Variants in WT1 observed in about 807,000 individuals in gnomAD.
WT1 encodes the protein WT1 transcription factor.
In WT1, 8 loss-of-function variants were observed where a neutral mutation model predicts 60.8. That is an observed-to-expected ratio of 0.13 (90% CI 0.08 to 0.24). The LOEUF is 0.24. Among genes scored for constraint, WT1 ranks in the 10% least tolerant of loss-of-function variants. The pLI, the probability that WT1 is intolerant of heterozygous loss-of-function variation, is 1.00. For missense variants in WT1, 568 were observed against 711.8 expected, an observed-to-expected ratio of 0.80 and a Z score of 2.30; for synonymous variants, 312 against 297.1, an observed-to-expected ratio of 1.05 and a Z score of -0.52.
rs1367210771 is a variant in WT1, at chr11:32,396,421, G to T, written c.1114-14C>A. The T allele has an allele frequency of 6.2e-7, 1 of 1,613,132 alleles. No individual in the cohort carries two copies. Among genetic ancestry groups the T allele is most frequent in the South Asian group, 1.1e-5 (1 of 91,070 alleles). On this transcript the variant is annotated splice_polypyrimidine_tract_variant and intron_variant, in intron 6 of 9. Coordinates refer to ENST00000452863, the MANE Select transcript of WT1 (RefSeq NM_024426.6). ...ACGTCGCACATCCTGCAGGCAGAGA[G>T]TAAGAGGAAGGGAGGCTTTAAGCCA... is the stretch of plus-strand genomic sequence containing the variant.
intron 5 of WT1, among the ~76,000 whole-genome samples, chr11:32,401,919 T>G (rs752620991): frequency 1.8e-4 from 27 of 152,116 alleles, no homozygotes; most frequent in African/African-American, 6.3e-4. Context: ...CCTCCATTAC[T>G]CTAACAGTTG....
intron 3 of WT1, among the ~76,000 whole-genome samples, chr11:32,420,413 A>T (rs1336223042): frequency 6.6e-6 from 1 of 152,224 alleles, no homozygotes; most frequent in Non-Finnish European, 1.5e-5. Context: ...ATAAAAGGTA[A>T]TGCCCTCAAT....
At chr11:32,398,989 T>C (rs2132951877) in intron 6 of WT1, among the ~76,000 whole-genome samples, 1 of 151,620 alleles carries the variant, frequency 6.6e-6, no homozygotes, top group East Asian at 1.9e-4. Flanking sequence ...ACCCCGTCTC[T>C]ACTAAAAATA....
chr11:32,400,134 T>C, intron 5 of WT1, 90 bp from the exon 6 acceptor site: 1 of 1,486,818 alleles, frequency 6.7e-7, no homozygotes, highest in Non-Finnish European at 9.3e-7. Context: ...AATGATGGTT[T>C]TTAAAGCTCA....
At position 32,388,780 on chromosome 11, in the gene WT1, T is replaced by C. The variant is rs1851733400; in HGVS notation, c.*278A>G. On this transcript the variant is annotated 3_prime_UTR_variant, in exon 10 of 10. Coordinates refer to ENST00000452863, the MANE Select transcript of WT1 (RefSeq NM_024426.6). ...TGATCAGCTATGGCTCTTCTTACAG[T>C]AGAAAATCCACACCAAATGGCAATG... is the stretch of plus-strand genomic sequence containing the variant. 1.9e-6 allele frequency: 1 copy of C among 531,172 alleles called. No homozygotes were observed. Among genetic ancestry groups the C allele is most frequent in the African/African-American group, 1.9e-5 (1 of 52,956 alleles). 32.9% of individuals were successfully genotyped at this position (531,172 alleles called of 1,614,324 possible). A position where few individuals can be genotyped will look rare whatever the true frequency, so the allele number is the denominator to read the frequency against.
intron 1 of WT1, chr11:32,430,607 T>C (rs1013048681): frequency 6.0e-5 from 95 of 1,575,654 alleles, no homozygotes; most frequent in Admixed American, 1.2e-4. Flanking sequence ...TCCGCAACTG[T>C]CCGTGCCCGG....
chr11:32,435,390 G>T lies in WT1; in HGVS notation c.-30C>A. On this transcript the variant is annotated 5_prime_UTR_variant, in exon 1 of 10. Coordinates refer to ENST00000452863, the MANE Select transcript of WT1 (RefSeq NM_024426.6). ...GCGGCGAGGAGACGGCGGGGCCCGG[G>T]CGCCTGGGCTGCCGTCCCGGCTCTG... 1 of 1,515,472 alleles carries T rather than the reference G, an allele frequency of 6.6e-7. No individual in the cohort carries two copies. The highest frequency in any genetic ancestry group is 8.8e-7 in the Non-Finnish European group (1 of 1,134,266). 93.9% of individuals were successfully genotyped at this position (1,515,472 alleles called of 1,614,324 possible). A position where few individuals can be genotyped will look rare whatever the true frequency, so the allele number is the denominator to read the frequency against.
intron 3 of WT1, among the ~76,000 whole-genome samples, chr11:32,427,486 G>C (rs1853093195): frequency 6.6e-6 from 1 of 152,312 alleles, no homozygotes; most frequent in South Asian, 2.1e-4. Context: ...CGTCCACAAA[G>C]CGCTGCCACG....
intron 5 of WT1, among the ~76,000 whole-genome samples, chr11:32,406,490 A>G (rs1852313850): frequency 6.6e-6 from 1 of 152,080 alleles, no homozygotes; most frequent in Non-Finnish European, 1.5e-5. Context: ...GCAAGGACCA[A>G]TTCCTAACTG....
intron 1 of WT1, among the ~76,000 whole-genome samples, chr11:32,432,585 T>C (rs956063845): frequency 1.3e-5 from 2 of 152,194 alleles, no homozygotes; most frequent in Non-Finnish European, 2.9e-5. Context: ...CCTCTCTCCA[T>C]TGGGCTTTTT....
In WT1 at chr11:32,388,024, A is replaced by G; in HGVS notation, c.*1034T>C. ...ACACAACACACACACACACACACACACACACACACACACGACCATCTTTAA... is the reference window on the plus strand; with the variant it reads ...ACACAACACACACACACACACACACGCACACACACACACGACCATCTTTAA... On this transcript the variant is annotated 3_prime_UTR_variant, in exon 10 of 10. Coordinates refer to ENST00000452863, the MANE Select transcript of WT1 (RefSeq NM_024426.6). The G allele has an allele frequency of 4.2e-6, 1 of 237,846 alleles. No individual in the cohort carries two copies. Among genetic ancestry groups the G allele is most frequent in the Non-Finnish European group, 8.3e-6 (1 of 120,904 alleles). The allele number at this position is 237,846 out of a possible 1,614,324, so 14.7% of individuals were successfully genotyped here.
chr11:32,417,499 TA>T, intron 4 of WT1, 77 bp downstream of exon 4: 1 of 1,339,434 alleles, frequency 7.5e-7, no homozygotes, highest in Non-Finnish European at 1.1e-6. Flanking sequence ...ACTTTCTTCA[TA>T]AGTTCTAAGC....
rs948132360 is a variant in WT1, at chr11:32,435,335, G to C, written c.26C>G (p.Pro9Arg). 7.2e-6 allele frequency: 11 copies of C among 1,532,246 alleles called. No homozygotes were observed. The highest frequency in any genetic ancestry group is 9.6e-6 in the Non-Finnish European group (11 of 1,146,094). The allele number at this position is 1,532,246 out of a possible 1,614,324, so 94.9% of individuals were successfully genotyped here. Reference sequence around the variant, plus strand: ...CGGCTCCGGGACACACGTGGAAGCCGGGTCCTGCAGCAAGAGGAAGTCCAG... The same window carrying C: ...CGGCTCCGGGACACACGTGGAAGCCCGGTCCTGCAGCAAGAGGAAGTCCAG... Residue 9 changes from proline to arginine, a missense_variant, in exon 1 of 10, where the codon CCG becomes CGG. Physicochemically the swap from Pro to Arg is moderately radical, Grantham distance 103. Transcript: ENST00000452863.
At chr11:32,391,635 C>T (rs1851820033) in intron 9 of WT1, among the ~76,000 whole-genome samples, 1 of 152,190 alleles carries the variant, frequency 6.6e-6, no homozygotes, top group Non-Finnish European at 1.5e-5. Context: ...ATTTCTGCTG[C>T]TTTTCTGTAA....
intron 5 of WT1, among the ~76,000 whole-genome samples, chr11:32,402,580 C>G (rs5030242): frequency 0.047 from 7,126 of 152,310 alleles, 217 homozygotes; most frequent in Non-Finnish European, 0.073. Context: ...AGAGCTTGCT[C>G]TATTGCCCAG....
At chr11:32,397,855 T>A (rs1852019622) in intron 6 of WT1, among the ~76,000 whole-genome samples, 1 of 152,204 alleles carries the variant, frequency 6.6e-6, no homozygotes, top group African/African-American at 2.4e-5. Context: ...TAAAATTAAA[T>A]GGTGAGCCAG....
intron 5 of WT1, among the ~76,000 whole-genome samples, chr11:32,404,289 A>G (rs551893558): frequency 9.6e-4 from 142 of 148,518 alleles, no homozygotes; most frequent in African/African-American, 3.4e-3. Context: ...AAAAAAAAAA[A>G]GATTTCAAAC....
intron 5 of WT1, chr11:32,400,614 T>A: frequency 4.9e-6 from 1 of 206,060 alleles, no homozygotes; most frequent in Non-Finnish European, 9.9e-6. Flanking sequence ...GTGCTGTAGG[T>A]GGGCACTGAA....
At chr11:32,423,101 C>T (rs560702469) in intron 3 of WT1, among the ~76,000 whole-genome samples, 5 of 152,300 alleles carry the variant, frequency 3.3e-5, no homozygotes, top group African/African-American at 1.2e-4. Context: ...AGCTAGCTGC[C>T]TTTTCTAGGT....
Sources: allele counts gnomAD v4.1 joint callset (sites outside exome capture counted in the v4.1 genomes callset), GRCh38; gene constraint gnomAD v4.1.1; transcripts MANE v1.5; gene names NCBI Gene and HGNC (gene_info 2026-07-23, HGNC 2026-07-21).